The following PHACTR1 variants were observed in gnomAD, a reference collection of about 807,000 sequenced individuals.
PHACTR1 encodes the protein RPEL repeat containing 1.
In PHACTR1, 16 loss-of-function variants were observed where a neutral mutation model predicts 69.2. The observed-to-expected ratio is 0.23, with a 90% CI of 0.16 to 0.35. The LOEUF (loss-of-function observed/expected upper bound fraction) is 0.35. Ranked by LOEUF, PHACTR1 falls within the 10% of genes least tolerant of loss-of-function variation. PHACTR1 has a pLI of 1.00. For missense variants in PHACTR1, 510 were observed against 734.7 expected (o/e 0.69, Z 3.54); for synonymous variants, 312 against 284.5 (o/e 1.10, Z -0.97).
intron 4 of PHACTR1, among the ~76,000 whole-genome samples, chr6:13,028,333 C>T (rs534280734): frequency 6.6e-6 from 1 of 152,338 alleles, no homozygotes; most frequent in South Asian, 2.1e-4. Context: ...TAGCTTGAAA[C>T]TATAGCATAG....
chr6:13,232,251 C>A (rs1162371737), intron 10 of PHACTR1, among the ~76,000 whole-genome samples: 4 of 152,348 alleles, frequency 2.6e-5, no homozygotes, highest in East Asian at 1.9e-4. Context: ...ACATAGGCAT[C>A]ATCCAACAGT....
intron 4 of PHACTR1, among the ~76,000 whole-genome samples, chr6:12,821,872 T>C (rs750104783): frequency 6.6e-6 from 1 of 152,226 alleles, no homozygotes; most frequent in African/African-American, 2.4e-5. Flanking sequence ...CGCCCAGATA[T>C]GTGAGCAAAT....
In PHACTR1 at chr6:13,246,206, T is replaced by A. The variant is rs772011127; in HGVS notation, c.1391+16013T>A. On this transcript the variant is annotated intron_variant, in intron 10 of 14. Coordinates refer to ENST00000332995, the MANE Select transcript of PHACTR1 (RefSeq NM_030948.6). The surrounding 1 kb of genome is among the most constrained non-coding windows in gnomAD (Gnocchi z 4.2). ...ACCATAACAACTCATATATCTTCGT[T>A]GATTTTCTCAAAAGAAAAATAAATA... 1.3e-5 allele frequency among the ~76,000 whole-genome samples: 2 copies of A among 152,246 alleles called. No individual in the cohort carries two copies. Among genetic ancestry groups the A allele is most frequent in the Non-Finnish European group, 2.9e-5 (2 of 68,044 alleles).
chr6:13,019,756 T>G (rs1427203812), intron 4 of PHACTR1, among the ~76,000 whole-genome samples: 1 of 152,162 alleles, frequency 6.6e-6, no homozygotes, highest in Non-Finnish European at 1.5e-5. Context: ...AAAAAGGTAA[T>G]AGATAAAATA....
At chr6:12,967,742 C>T (rs1793666171) in intron 4 of PHACTR1, among the ~76,000 whole-genome samples, 1 of 152,230 alleles carries the variant, frequency 6.6e-6, no homozygotes, top group Non-Finnish European at 1.5e-5. Flanking sequence ...ACACTTGCAA[C>T]CATCTTTCAA....
intron 10 of PHACTR1, among the ~76,000 whole-genome samples, chr6:13,241,263 C>T (rs1276887984): frequency 6.6e-6 from 1 of 152,116 alleles, no homozygotes; most frequent in Non-Finnish European, 1.5e-5. Flanking sequence ...TTCAGTAATA[C>T]CTGTGCCTGT....
intron 4 of PHACTR1, among the ~76,000 whole-genome samples, chr6:12,861,149 T>A (rs909287551): frequency 6.6e-6 from 1 of 152,218 alleles, no homozygotes; most frequent in Non-Finnish European, 1.5e-5. Context: ...TGTGTTGACA[T>A]TTAATAGAGA....
intron 4 of PHACTR1, among the ~76,000 whole-genome samples, chr6:12,856,794 A>C (rs1022503114): frequency 6.6e-6 from 1 of 152,182 alleles, no homozygotes; most frequent in African/African-American, 2.4e-5. Flanking sequence ...TGGCCAGTCT[A>C]AACAAAATGC....
intron 4 of PHACTR1, among the ~76,000 whole-genome samples, chr6:12,822,177 C>T (rs1247655075): frequency 6.6e-6 from 1 of 152,174 alleles, no homozygotes; most frequent in East Asian, 1.9e-4. Context: ...GTTTTGGAGT[C>T]ACTGGACTCC....
intron 6 of PHACTR1, among the ~76,000 whole-genome samples, chr6:13,181,685 C>T (rs890327689): frequency 1.4e-4 from 21 of 152,236 alleles, no homozygotes; most frequent in Admixed American, 4.6e-4. Context: ...TTCCCAGCAT[C>T]GCTGAGTGGC....
intron 3 of PHACTR1, among the ~76,000 whole-genome samples, chr6:12,741,890 A>G (rs1765097127): frequency 6.6e-6 from 1 of 152,086 alleles, no homozygotes; most frequent in South Asian, 2.1e-4. Context: ...CGATTATTGC[A>G]TATTATCTCA....
intron 5 of PHACTR1, among the ~76,000 whole-genome samples, chr6:13,155,202 G>A (rs914235836): frequency 3.3e-5 from 5 of 152,136 alleles, no homozygotes; most frequent in African/African-American, 7.2e-5. Context: ...TGTACTTACC[G>A]TAAGTGCTGC....
chr6:12,869,936 C>G (rs6909174), intron 4 of PHACTR1, among the ~76,000 whole-genome samples: 3,655 of 152,226 alleles, frequency 0.024, 147 homozygotes, highest in African/African-American at 0.084. Flanking sequence ...TGTCCCTGGT[C>G]CTAGGGTTAT....
intron 5 of PHACTR1, among the ~76,000 whole-genome samples, chr6:13,061,427 A>T (rs1807663208): frequency 6.6e-6 from 1 of 152,192 alleles, no homozygotes; most frequent in Non-Finnish European, 1.5e-5. Context: ...ATAAATATTA[A>T]GTTCCAAAGA....
chr6:13,267,269 T>C (rs138221627), intron 10 of PHACTR1: 1 of 152,348 alleles, frequency 6.6e-6, no homozygotes, highest in East Asian at 1.9e-4. Flanking sequence ...AATGAATGGG[T>C]TTACATTTGA....
chr6:12,789,330 T>G (rs1188968878), intron 4 of PHACTR1, among the ~76,000 whole-genome samples: 1 of 152,168 alleles, frequency 6.6e-6, no homozygotes, highest in Non-Finnish European at 1.5e-5. Flanking sequence ...TTAGATTCTC[T>G]CAAGCCATCG....
chr6:12,968,488 C>T (rs1414606369), intron 4 of PHACTR1, among the ~76,000 whole-genome samples: 1 of 152,148 alleles, frequency 6.6e-6, no homozygotes, highest in Non-Finnish European at 1.5e-5. Flanking sequence ...CACCACCATC[C>T]GTGCCTCTCC....
intron 4 of PHACTR1, among the ~76,000 whole-genome samples, chr6:12,935,628 C>CGTGTGT (rs34887240): frequency 3.2e-4 from 49 of 150,782 alleles, no homozygotes; most frequent in Non-Finnish European, 5.8e-4. Flanking sequence ...GGTATGCCCA[C>CGTGTGT]GTGTGTGTGT....
chr6:13,003,846 A>T (rs1798391735), intron 4 of PHACTR1, among the ~76,000 whole-genome samples: 2 of 150,244 alleles, frequency 1.3e-5, no homozygotes. Context: ...GTGGTATTTG[A>T]CTTTCTGTCT....
Sources: gnomAD v4.1 joint callset for allele counts (sites outside exome capture counted in the v4.1 genomes callset) on GRCh38, gnomAD v4.1.1 for gene constraint, Gnocchi (gnomAD v3.1) non-coding constraint, MANE v1.5 for transcripts, NCBI Gene and HGNC (gene_info 2026-07-23, HGNC 2026-07-21) for gene names.